DPP10: variants seen among roughly 807,000 people sequenced by gnomAD.
DPP10 encodes dipeptidyl peptidase like 10.
In DPP10, 33 loss-of-function variants were observed where a neutral mutation model predicts 120.9. The observed-to-expected ratio is 0.27, with a 90% CI of 0.21 to 0.37. The LOEUF (loss-of-function observed/expected upper bound fraction) is 0.37. DPP10 is among the 10% of genes least tolerant of loss of function. The probability of loss-of-function intolerance (pLI) is 1.00; values close to 1 mark genes in which losing one functional copy is unlikely to be tolerated. For synonymous variants in DPP10, 337 were observed against 326.1 expected (o/e 1.03, Z -0.36); for missense variants, 816 against 942.8 (o/e 0.87, Z 1.76).
intron 1 of DPP10, among the ~76,000 whole-genome samples, chr2:115,097,464 T>A (rs2048459911): frequency 6.6e-6 from 1 of 152,222 alleles, no homozygotes; most frequent in African/African-American, 2.4e-5. Context: ...ATATCATGAC[T>A]GTGATTGGCT....
chr2:115,626,370 G>A lies in DPP10; in HGVS notation c.442-63317G>A, dbSNP rs375233236. Among the ~76,000 whole-genome samples the A allele has an allele frequency of 1.8e-4, 28 of 151,810 alleles. No homozygotes were observed. The East Asian group carries it at 3.3e-3, about 18-fold the overall frequency. On this transcript the variant is annotated intron_variant, in intron 5 of 25. Coordinates refer to ENST00000410059, the MANE Select transcript of DPP10 (RefSeq NM_020868.6). Reference sequence around the variant, plus strand: ...TTGATTAATTAATTTGTCAATTAACGTACTAATTCATCAACAAATTAAGAT... The same window carrying A: ...TTGATTAATTAATTTGTCAATTAACATACTAATTCATCAACAAATTAAGAT...
At chr2:114,950,287 C>T (rs552003238) in intron 1 of DPP10, among the ~76,000 whole-genome samples, 1 of 144,144 alleles carries the variant, frequency 6.9e-6, no homozygotes, top group Non-Finnish European at 1.5e-5. Flanking sequence ...TGAGACCACA[C>T]CTTGCTTTTT....
At chr2:114,454,700 A>G (rs887824624) in intron 1 of DPP10, among the ~76,000 whole-genome samples, 5 of 151,988 alleles carry the variant, frequency 3.3e-5, no homozygotes, top group Admixed American at 1.3e-4. Flanking sequence ...ATCTTGGAAG[A>G]TTTCTCAACC....
intron 3 of DPP10, among the ~76,000 whole-genome samples, chr2:115,403,381 CTTTTTTTTTTTTTTT>C (rs78116780): frequency 1.1e-4 from 13 of 118,380 alleles, no homozygotes; most frequent in Non-Finnish European, 1.5e-4. Context: ...TTCTTTCCTT[CTTTTTTTTTTTTTTT>C]TTTTTTTTTT....
At chr2:114,927,682 C>A (rs1248574616) in intron 1 of DPP10, among the ~76,000 whole-genome samples, 1 of 152,178 alleles carries the variant, frequency 6.6e-6, no homozygotes, top group Non-Finnish European at 1.5e-5. Flanking sequence ...AAGACATTTT[C>A]CTTTCACAGT....
chr2:115,606,322 T>G (rs1424875807), intron 5 of DPP10, among the ~76,000 whole-genome samples: 1 of 151,982 alleles, frequency 6.6e-6, no homozygotes, highest in African/African-American at 2.4e-5. Context: ...TAAATGAAAT[T>G]GCCAAAAAAA....
chr2:115,448,796 T>C (rs2072851035), intron 3 of DPP10, among the ~76,000 whole-genome samples: 1 of 152,160 alleles, frequency 6.6e-6, no homozygotes. Flanking sequence ...TGAGCTGAAA[T>C]ACCACAGAGA....
chr2:114,914,637 A>G (rs1032318452), intron 1 of DPP10, among the ~76,000 whole-genome samples: 4 of 152,252 alleles, frequency 2.6e-5, no homozygotes, highest in African/African-American at 9.6e-5. Context: ...AAGCTACTGT[A>G]CAATAAAGTC....
At chr2:115,671,516 G>A (rs996131955) in intron 5 of DPP10, among the ~76,000 whole-genome samples, 33 of 151,778 alleles carry the variant, frequency 2.2e-4, no homozygotes, top group African/African-American at 7.2e-4. Context: ...CTGGTAGCAT[G>A]GCTAGTGCTA....
intron 3 of DPP10, chr2:115,467,934 A>T (rs1014226347): frequency 4.4e-6 from 1 of 225,338 alleles, no homozygotes; most frequent in Non-Finnish European, 8.9e-6. Flanking sequence ...ATCTGAAAGA[A>T]TAAAGAGAAT....
At chr2:115,821,951 CTT>C (rs1687861668) in intron 21 of DPP10, among the ~76,000 whole-genome samples, 1 of 151,882 alleles carries the variant, frequency 6.6e-6, no homozygotes, top group Non-Finnish European at 1.5e-5. Flanking sequence ...TTTCCATACT[CTT>C]TTGAAAGTAT....
intron 1 of DPP10, among the ~76,000 whole-genome samples, chr2:114,876,763 C>T (rs560391494): frequency 1.3e-5 from 2 of 151,812 alleles, no homozygotes. Context: ...TTCCCTGATA[C>T]CTTCTACACC....
chr2:115,263,616 A>G (rs1559333507), intron 1 of DPP10, among the ~76,000 whole-genome samples: 1 of 152,086 alleles, frequency 6.6e-6, no homozygotes, highest in Non-Finnish European at 1.5e-5. Flanking sequence ...CCAGGGATAC[A>G]TTTGACATAT....
At chr2:114,550,033 T>G (rs1404511808) in intron 1 of DPP10, among the ~76,000 whole-genome samples, 1 of 152,200 alleles carries the variant, frequency 6.6e-6, no homozygotes, top group Non-Finnish European at 1.5e-5. Context: ...TGTCACCTAA[T>G]TCTCTAATAT....
At chr2:115,734,727 T>TAC (rs749236808) in intron 8 of DPP10, among the ~76,000 whole-genome samples, 6 of 148,166 alleles carry the variant, frequency 4.0e-5, no homozygotes, top group Non-Finnish European at 7.4e-5. Context: ...TGCATATATA[T>TAC]ACACACACAC....
intron 3 of DPP10, among the ~76,000 whole-genome samples, chr2:115,353,345 G>A (rs968043152): frequency 3.3e-5 from 5 of 152,048 alleles, no homozygotes; most frequent in Admixed American, 6.6e-5. Flanking sequence ...ATGTGTGTTC[G>A]GGGCCTCTCT....
At chr2:115,678,361 C>T (rs564149289) in intron 5 of DPP10, among the ~76,000 whole-genome samples, 18 of 152,372 alleles carry the variant, frequency 1.2e-4, no homozygotes, top group Admixed American at 8.5e-4. Context: ...TACTTTCCAG[C>T]TGCTCCTGCC....
intron 1 of DPP10, among the ~76,000 whole-genome samples, chr2:115,038,757 G>T (rs529051577): frequency 1.3e-5 from 2 of 152,196 alleles, no homozygotes; most frequent in East Asian, 3.9e-4. Context: ...GATTACTCTC[G>T]CTTTACAAGT....
intron 5 of DPP10, among the ~76,000 whole-genome samples, chr2:115,585,412 T>C (rs1192684931): frequency 6.6e-6 from 1 of 152,190 alleles, no homozygotes; most frequent in Admixed American, 6.5e-5. Context: ...AAAAGTAGGT[T>C]TTATTTAGTC....
Sources: gnomAD v4.1 joint callset for allele counts (sites outside exome capture counted in the v4.1 genomes callset) on GRCh38, gnomAD v4.1.1 for gene constraint, MANE v1.5 for transcripts, NCBI Gene and HGNC (gene_info 2026-07-23, HGNC 2026-07-21) for gene names.